CCSER1: variants seen among roughly 807,000 people sequenced by gnomAD.
The protein encoded by CCSER1 is coiled-coil serine rich protein 1.
Under a neutral mutation model 82.0 loss-of-function variants are expected in CCSER1, and 41 were observed. That is an observed-to-expected ratio of 0.50 (90% CI 0.39 to 0.65). The LOEUF (loss-of-function observed/expected upper bound fraction) is 0.65, where lower values mean the gene tolerates loss of function less well. CCSER1 is among the 30% of genes least tolerant of loss of function. CCSER1 has a pLI of 0.00. For synonymous variants in CCSER1, 414 were observed against 383.9 expected (o/e 1.08, Z -0.92); for missense variants, 1,119 against 1,064.2 (o/e 1.05, Z -0.72).
At chr4:90,720,341 G>T (rs576953116) in intron 6 of CCSER1, among the ~76,000 whole-genome samples, 2 of 151,406 alleles carry the variant, frequency 1.3e-5, no homozygotes, top group South Asian at 4.2e-4. Flanking sequence ...TGTTAGTAAG[G>T]ATATTTTATT....
chr4:91,483,508 T>A (rs950634752), intron 10 of CCSER1, among the ~76,000 whole-genome samples: 3 of 151,980 alleles, frequency 2.0e-5, no homozygotes, highest in Admixed American at 6.6e-5. Context: ...TGATCTTGGC[T>A]CACTGCAGCC....
chr4:90,270,698 A>G (rs1726093973), intron 1 of CCSER1, among the ~76,000 whole-genome samples: 1 of 152,056 alleles, frequency 6.6e-6, no homozygotes, highest in South Asian at 2.1e-4. Context: ...AAATTGGATC[A>G]TACTATCCCT....
At chr4:90,213,636 T>C (rs990849054) in intron 1 of CCSER1, among the ~76,000 whole-genome samples, 1 of 152,034 alleles carries the variant, frequency 6.6e-6, no homozygotes, top group Non-Finnish European at 1.5e-5. Flanking sequence ...CAGCAAATGC[T>C]TGGTGAGGGA....
chr4:91,581,674 T>C (rs538044833), intron 10 of CCSER1, among the ~76,000 whole-genome samples: 9 of 151,806 alleles, frequency 5.9e-5, no homozygotes, highest in Non-Finnish European at 1.0e-4. Flanking sequence ...AAATGTTTCA[T>C]TCTTAAGCTC....
chr4:91,067,290 G>C (rs972203026), intron 9 of CCSER1, among the ~76,000 whole-genome samples: 5 of 151,860 alleles, frequency 3.3e-5, no homozygotes, highest in Non-Finnish European at 5.9e-5. Flanking sequence ...TGGAAAGACT[G>C]TGTATGCTGA....
At chr4:90,145,850 G>A (rs1403856723) in intron 1 of CCSER1, among the ~76,000 whole-genome samples, 1 of 151,978 alleles carries the variant, frequency 6.6e-6, no homozygotes, top group Non-Finnish European at 1.5e-5. Flanking sequence ...AATTTTAAAA[G>A]GCCAGAATTT....
chr4:90,837,933 T>C (rs189933343), intron 8 of CCSER1, among the ~76,000 whole-genome samples: 31 of 152,292 alleles, frequency 2.0e-4, no homozygotes, highest in Non-Finnish European at 3.2e-4. Context: ...GTAATGATAT[T>C]TGGTGCTTAG....
At chr4:91,039,309 C>T (rs1422468387) in intron 9 of CCSER1, among the ~76,000 whole-genome samples, 1 of 151,888 alleles carries the variant, frequency 6.6e-6, no homozygotes, top group Admixed American at 6.6e-5. Context: ...TCCCAAAGTG[C>T]TGAGATTATA....
At chr4:90,634,278 T>G (rs73833741) in intron 6 of CCSER1, among the ~76,000 whole-genome samples, 1 of 151,710 alleles carries the variant, frequency 6.6e-6, no homozygotes, top group Non-Finnish European at 1.5e-5. Context: ...GATGCAAATA[T>G]TGGGGCTGTG....
chr4:91,283,367 T>C (rs1743059046), intron 10 of CCSER1, among the ~76,000 whole-genome samples: 1 of 152,100 alleles, frequency 6.6e-6, no homozygotes, highest in Non-Finnish European at 1.5e-5. Flanking sequence ...TCTTCATCTT[T>C]CCTTTCTATA....
intron 3 of CCSER1, among the ~76,000 whole-genome samples, chr4:90,315,861 A>T (rs1736079289): frequency 6.6e-6 from 1 of 152,220 alleles, no homozygotes; most frequent in Non-Finnish European, 1.5e-5. Context: ...TTTAACTTGT[A>T]GCACTGTAAG....
At chr4:90,241,622 T>C (rs775599922) in intron 1 of CCSER1, among the ~76,000 whole-genome samples, 9 of 152,210 alleles carry the variant, frequency 5.9e-5, no homozygotes, top group South Asian at 4.1e-4. Flanking sequence ...CAATTTGCTT[T>C]GGATTTGTAA....
intron 6 of CCSER1, among the ~76,000 whole-genome samples, chr4:90,640,700 A>G (rs370371106): frequency 3.3e-5 from 5 of 152,096 alleles, no homozygotes; most frequent in African/African-American, 1.2e-4. Context: ...TTCTTGTGAT[A>G]GTGAGTGAGT....
chr4:91,383,185 C>A (rs1271339405), intron 10 of CCSER1, among the ~76,000 whole-genome samples: 1 of 152,088 alleles, frequency 6.6e-6, no homozygotes, highest in Non-Finnish European at 1.5e-5. Flanking sequence ...GCTACCAAAC[C>A]TGCAATATTG....
intron 9 of CCSER1, among the ~76,000 whole-genome samples, chr4:90,999,092 A>G (rs1297890356): frequency 6.6e-6 from 1 of 152,160 alleles, no homozygotes; most frequent in Non-Finnish European, 1.5e-5. Flanking sequence ...ATAGTATTCC[A>G]TGGTGTATAT....
chr4:91,501,414 C>A (rs1010719305), intron 10 of CCSER1, among the ~76,000 whole-genome samples: 2 of 151,726 alleles, frequency 1.3e-5, no homozygotes, highest in African/African-American at 4.8e-5. Context: ...ATAGTTTCTG[C>A]CATCTTATTA....
At chr4:90,960,759 G>A (rs1733977529) in intron 9 of CCSER1, among the ~76,000 whole-genome samples, 1 of 152,066 alleles carries the variant, frequency 6.6e-6, no homozygotes, top group South Asian at 2.1e-4. Context: ...GCATTAGCTG[G>A]AATTATGTTC....
intron 3 of CCSER1, among the ~76,000 whole-genome samples, chr4:90,354,736 A>ACATTTAAGTCACATTTAAG (rs1258224427): frequency 1.3e-5 from 2 of 152,160 alleles, no homozygotes; most frequent in African/African-American, 4.8e-5. Context: ...CATTTTAAGT[A>ACATTTAAGTCACATTTAAG]CTACAAGAAC....
At chr4:90,207,258 A>T (rs1187308136) in intron 1 of CCSER1, among the ~76,000 whole-genome samples, 3 of 151,950 alleles carry the variant, frequency 2.0e-5, no homozygotes. Context: ...TCAATCTCTG[A>T]TATCCTTTCT....
Sources: allele counts gnomAD v4.1 joint callset (sites outside exome capture counted in the v4.1 genomes callset), GRCh38; gene constraint gnomAD v4.1.1; transcripts MANE v1.5; gene names NCBI Gene and HGNC (gene_info 2026-07-23, HGNC 2026-07-21).